Variants in SVIL observed in about 807,000 individuals in gnomAD.
The protein encoded by SVIL is supervillin.
In SVIL, 101 loss-of-function variants were observed where a neutral mutation model predicts 240.4. That is an observed-to-expected ratio of 0.42 (90% CI 0.36 to 0.50). The LOEUF (loss-of-function observed/expected upper bound fraction) is 0.50. Among genes scored for constraint, SVIL ranks in the 20% least tolerant of loss-of-function variants. The pLI is 0.01. For synonymous variants in SVIL, 999 were observed against 1,100.0 expected, an observed-to-expected ratio of 0.91 and a Z score of 1.82; for missense variants, 2,512 against 2,818.7, an observed-to-expected ratio of 0.89 and a Z score of 2.46.
chr10:29,730,220 C>T (rs1351858320), intron 1 of SVIL, among the ~76,000 whole-genome samples: 2 of 152,104 alleles, frequency 1.3e-5, no homozygotes, highest in African/African-American at 4.8e-5. Flanking sequence ...GCTAAGAGAA[C>T]TGTAATGTGC....
intron 1 of SVIL, among the ~76,000 whole-genome samples, chr10:29,630,758 A>G (rs1414472418): frequency 6.6e-6 from 1 of 152,108 alleles, no homozygotes; most frequent in Non-Finnish European, 1.5e-5. Context: ...AGGAAAAAAA[A>G]GGAGAACTTA....
chr10:29,526,283 T>A (rs1271275015), intron 13 of SVIL, among the ~76,000 whole-genome samples: 5 of 151,302 alleles, frequency 3.3e-5, no homozygotes, highest in Admixed American at 2.0e-4. Context: ...TTTTCTTTTT[T>A]TTTCTTTCTT....
chr10:29,558,352 C>A (rs552200280), intron 3 of SVIL, among the ~76,000 whole-genome samples: 1 of 152,236 alleles, frequency 6.6e-6, no homozygotes, highest in Admixed American at 6.5e-5. Flanking sequence ...TATTGGTGAG[C>A]TTATTAATTC....
chr10:29,564,535 C>G (rs1954799073), intron 2 of SVIL, among the ~76,000 whole-genome samples: 1 of 152,152 alleles, frequency 6.6e-6, no homozygotes, highest in Non-Finnish European at 1.5e-5. Flanking sequence ...GACCTTCCCC[C>G]TGTTCGGGTG....
At chr10:29,519,783 C>T (rs1457845001) in intron 16 of SVIL, among the ~76,000 whole-genome samples, 1 of 152,210 alleles carries the variant, frequency 6.6e-6, no homozygotes, top group African/African-American at 2.4e-5. Flanking sequence ...TCCTTTCTAT[C>T]ATGATTCTGA....
intron 6 of SVIL, among the ~76,000 whole-genome samples, chr10:29,543,841 G>A (rs1444079964): frequency 6.6e-6 from 1 of 152,176 alleles, no homozygotes; most frequent in Non-Finnish European, 1.5e-5. Flanking sequence ...ATGGAATCTT[G>A]GGGTGAGCCA....
chr10:29,682,331 AC>A (rs1960721637), intron 2 of SVIL, among the ~76,000 whole-genome samples: 1 of 152,150 alleles, frequency 6.6e-6, no homozygotes, highest in Non-Finnish European at 1.5e-5. Context: ...GAAGTCACAG[AC>A]GAAGAGACTC....
chr10:29,577,352 A>G (rs1237870335), intron 1 of SVIL, among the ~76,000 whole-genome samples: 1 of 152,136 alleles, frequency 6.6e-6, no homozygotes, highest in African/African-American at 2.4e-5. Flanking sequence ...TTCCCCTTAG[A>G]GTCCCCAAAG....
intron 3 of SVIL, among the ~76,000 whole-genome samples, chr10:29,640,860 T>C (rs1958461248): frequency 6.6e-6 from 1 of 152,130 alleles, no homozygotes; most frequent in African/African-American, 2.4e-5. Context: ...TCTCCGCCAC[T>C]TCCAGAATGG....
chr10:29,567,599 C>T (rs975730007), intron 2 of SVIL, among the ~76,000 whole-genome samples: 9 of 152,308 alleles, frequency 5.9e-5, no homozygotes, highest in Admixed American at 5.2e-4. Context: ...TGTCCACTGA[C>T]GTGTGTGACT....
intron 8 of SVIL, 62 bp from the exon 9 acceptor site, chr10:29,532,234 G>T: frequency 6.4e-7 from 1 of 1,565,720 alleles, no homozygotes. Context: ...AAGAGAAGAT[G>T]GCAAAGGATT....
rs200695931 is a variant in SVIL, at chr10:29,470,519, C to T, written c.5636-36G>A. 26 of 1,611,474 alleles carry T rather than the reference C, an allele frequency of 1.6e-5. No homozygotes were observed. The East Asian group carries it at 4.0e-4, about 25-fold the overall frequency. ...CACCGGCGGCGCGGAGGAGTTAGCA[C>T]GTGAGCGAGTGGCAGCAAACGCGGC... On this transcript the variant is annotated intron_variant, in intron 31 of 37. Transcript: ENST00000355867.
intron 2 of SVIL, among the ~76,000 whole-genome samples, chr10:29,660,341 G>A (rs987331148): frequency 6.6e-6 from 1 of 152,164 alleles, no homozygotes; most frequent in East Asian, 1.9e-4. Flanking sequence ...GCAGGGTGGG[G>A]TGGCTCATAC....
Position 29,467,836 on chromosome 10 carries a change from G to A in SVIL, c.5883C>T (p.Val1961=). 2 of 1,614,178 alleles carry A rather than the reference G, an allele frequency of 1.2e-6. No individual in the cohort carries two copies. Among genetic ancestry groups the A allele is most frequent in the East Asian group, 4.5e-5 (2 of 44,884 alleles). The change falls in exon 33 of 38, where the codon GTC becomes GTT. Residue 1961 remains valine (V), a synonymous_variant. Transcript: ENST00000355867. The stretch of plus-strand genomic sequence containing the variant: ...AGCCTTCATCACACTCGTGTATTGT[G>A]ACTTTGCTGCTACTATGCAGTCCTG... ...LEAGLHSSSK[V]TIHECDEGSE...
chr10:29,620,997 T>C (rs2132912268), intron 1 of SVIL, among the ~76,000 whole-genome samples: 1 of 150,452 alleles, frequency 6.6e-6, no homozygotes, highest in Admixed American at 6.6e-5. Flanking sequence ...AGATATGGCG[T>C]CTCACTATAT....
At position 29,458,086 on chromosome 10, in the gene SVIL, A is replaced by C; in HGVS notation, c.*161T>G. On this transcript the variant is annotated 3_prime_UTR_variant, in exon 38 of 38. Transcript: ENST00000355867. ...CAGTTCCCTTGAACATTTACAAAAT[A>C]CACAACTCCGGGACAAGCAGTATCT... 2 of 690,616 alleles carry C rather than the reference A, an allele frequency of 2.9e-6. No individual in the cohort carries two copies. Among genetic ancestry groups the C allele is most frequent in the South Asian group, 4.2e-5 (2 of 47,424 alleles). 42.8% of individuals were successfully genotyped at this position (690,616 alleles called of 1,614,324 possible).
At position 29,538,986 on chromosome 10, in the gene SVIL, G is replaced by C. The variant is rs549650597; in HGVS notation, c.828-2917C>G. ...CGAGCCAGCCTGAGCAACATAGCAA[G>C]ACTCTGTCTGTATTTAAAAAATTAA... On this transcript the variant is annotated intron_variant, in intron 6 of 37. Transcript: ENST00000355867. Among the ~76,000 whole-genome samples, 13 of 152,146 alleles carry C rather than the reference G, an allele frequency of 8.5e-5. No homozygotes were observed. The South Asian group carries it at 2.7e-3, about 32-fold the overall frequency.
upstream of SVIL, among the ~76,000 whole-genome samples, chr10:29,636,690 T>A (rs919206869): frequency 6.6e-6 from 1 of 152,232 alleles, no homozygotes; most frequent in African/African-American, 2.4e-5. Flanking sequence ...CCAATGATGA[T>A]AATCATGAAT....
In SVIL at chr10:29,522,604, C is replaced by T; in HGVS notation, c.3195G>A (p.Gln1065=). ...TAGTTTTCCCAGCAGCTGTCCCCGT[C>T]TGCTCGGAAGTGGGCTCCCCGAACT... The part of the protein sequence containing the change: ...AAEFGEPTSE[Q]TGTAAGKTIA... The change falls in exon 16 of 38, where the codon CAG becomes CAA. Residue 1065 remains glutamine (Q), a synonymous_variant. Coordinates refer to ENST00000355867, the MANE Select transcript of SVIL (RefSeq NM_021738.3). 1 of 1,614,208 alleles carries T rather than the reference C, an allele frequency of 6.2e-7. No individual in the cohort carries two copies.
Sources: allele counts gnomAD v4.1 joint callset (sites outside exome capture counted in the v4.1 genomes callset), GRCh38; gene constraint gnomAD v4.1.1; transcripts MANE v1.5; gene names NCBI Gene and HGNC (gene_info 2026-07-23, HGNC 2026-07-21).